ATP8A1: variants seen among roughly 807,000 people sequenced by gnomAD.
ATP8A1 encodes phospholipid-transporting ATPase IA.
ATP8A1 carries 90 observed loss-of-function variants against 177.7 expected under a neutral mutation model. The observed-to-expected ratio is 0.51, with a 90% confidence interval of 0.43 to 0.60. The LOEUF is 0.60. Ranked by LOEUF, ATP8A1 falls within the 20% of genes least tolerant of loss-of-function variation. The pLI is 0.00. For synonymous variants in ATP8A1, 493 were observed against 485.9 expected, an observed-to-expected ratio of 1.01 and a Z score of -0.19; for missense variants, 1,072 against 1,392.8, an observed-to-expected ratio of 0.77 and a Z score of 3.67.
intron 5 of ATP8A1, among the ~76,000 whole-genome samples, chr4:42,611,751 A>G (rs1349051021): frequency 6.6e-6 from 1 of 152,256 alleles, no homozygotes; most frequent in Non-Finnish European, 1.5e-5. Context: ...CTCAATCACC[A>G]CAATAAATTC....
At chr4:42,459,589 T>A in intron 27 of ATP8A1, 1 of 258,214 alleles carries the variant, frequency 3.9e-6, no homozygotes, top group South Asian at 3.8e-5. Context: ...GGATTGAGAA[T>A]AGAAAAATAA....
In ATP8A1 at chr4:42,423,598, T is replaced by C. The variant is rs201225804; in HGVS notation, c.3212+19A>G. 24 of 1,554,264 alleles carry C rather than the reference T, an allele frequency of 1.5e-5. No individual in the cohort carries two copies. In the Admixed American group the frequency reaches 3.4e-4, roughly 22 times the overall value. On this transcript the variant is annotated intron_variant, in intron 34 of 36. Coordinates refer to ENST00000381668, the MANE Select transcript of ATP8A1 (RefSeq NM_006095.2). The stretch of plus-strand genomic sequence containing the variant: ...ATATGCATCTATATTTCTCCGTATA[T>C]AACTGAGTATATACTTACACCTTGT...
intron 6 of ATP8A1, among the ~76,000 whole-genome samples, chr4:42,593,759 T>C (rs28514533): frequency 0.23 from 34,351 of 151,928 alleles, 4,349 homozygotes; most frequent in Non-Finnish European, 0.29. Flanking sequence ...AAAATATGAG[T>C]AAAATGAAAA....
chr4:42,601,033 CTTTTTTTTTTTT>C lies in ATP8A1; in HGVS notation c.410-527_410-516del, dbSNP rs36117571. Among the ~76,000 whole-genome samples, 3 of 102,430 alleles carry C rather than the reference CTTTTTTTTTTTT, an allele frequency of 2.9e-5. No homozygotes were observed. The South Asian group carries it at 9.7e-4, about 33-fold the overall frequency. The allele number at this position is 102,430 out of a possible 152,430, so 67.2% of individuals were successfully genotyped here. On this transcript the variant is annotated intron_variant, in intron 5 of 36. Coordinates refer to ENST00000381668, the MANE Select transcript of ATP8A1 (RefSeq NM_006095.2). ...AAAAAGCAAAAACAACCCAAATTTT[CTTTTTTTTTTTT>C]TTTTTTTTGAGATGGAGTCTCACTC...
intron 22 of ATP8A1, among the ~76,000 whole-genome samples, chr4:42,518,407 G>A (rs1725782455): frequency 1.3e-5 from 2 of 152,158 alleles, no homozygotes; most frequent in South Asian, 4.1e-4. Context: ...ACATACAAAT[G>A]TAATACATGG....
chr4:42,611,015 T>C (rs1736313153), intron 5 of ATP8A1, among the ~76,000 whole-genome samples: 1 of 152,328 alleles, frequency 6.6e-6, no homozygotes. Context: ...CTGAAATGAA[T>C]TGAACCAGAT....
At chr4:42,645,125 T>A (rs533802922) in intron 1 of ATP8A1, among the ~76,000 whole-genome samples, 39 of 152,242 alleles carry the variant, frequency 2.6e-4, no homozygotes, top group African/African-American at 9.2e-4. Context: ...ATAAACTAAA[T>A]GTGTTGTACT....
In ATP8A1 at chr4:42,411,426, T is replaced by A. The variant is rs1712591673; in HGVS notation, c.*1490A>T. The A allele has an allele frequency of 6.6e-6, 1 of 152,218 alleles. No individual in the cohort carries two copies. Among genetic ancestry groups the A allele is most frequent in the Non-Finnish European group, 1.5e-5 (1 of 68,028 alleles). 9.4% of individuals were successfully genotyped at this position (152,218 alleles called of 1,614,324 possible). On this transcript the variant is annotated 3_prime_UTR_variant, in exon 37 of 37. Transcript: ENST00000381668. Reference sequence around the variant, plus strand: ...TCTACCTATTTTGCTGGTAAGTCCATGTAAAGGCAAGCAGGCTTTTGAGTA... The same window carrying A: ...TCTACCTATTTTGCTGGTAAGTCCAAGTAAAGGCAAGCAGGCTTTTGAGTA...
At chr4:42,563,540 C>T (rs1731053700) in intron 15 of ATP8A1, among the ~76,000 whole-genome samples, 1 of 152,170 alleles carries the variant, frequency 6.6e-6, no homozygotes, top group Non-Finnish European at 1.5e-5. Context: ...ATATTAATCC[C>T]CAAGATAATG....
intron 1 of ATP8A1, among the ~76,000 whole-genome samples, chr4:42,649,514 G>A (rs1471280919): frequency 6.6e-6 from 1 of 152,134 alleles, no homozygotes; most frequent in Non-Finnish European, 1.5e-5. Flanking sequence ...GGCATAGTTT[G>A]TGATGAATTT....
intron 34 of ATP8A1, 71 bp from the exon 35 acceptor site, chr4:42,422,970 G>T: frequency 2.5e-6 from 3 of 1,214,516 alleles, no homozygotes; most frequent in Admixed American, 1.9e-5. Flanking sequence ...TAGATGTCTG[G>T]CTTATTATCA....
At chr4:42,437,599 CT>C (rs923707558) in intron 33 of ATP8A1, among the ~76,000 whole-genome samples, 23 of 152,296 alleles carry the variant, frequency 1.5e-4, no homozygotes, top group South Asian at 4.1e-4. Context: ...CCCACTGCCC[CT>C]AACCCCCGAT....
intron 22 of ATP8A1, among the ~76,000 whole-genome samples, chr4:42,512,784 T>A (rs868068590): frequency 6.6e-6 from 1 of 152,184 alleles, no homozygotes; most frequent in East Asian, 1.9e-4. Flanking sequence ...GAATTCCTCA[T>A]TGAATAGGTC....
intron 1 of ATP8A1, 131 bp from the exon 2 acceptor site, chr4:42,627,240 A>G (rs1407835573): frequency 1.6e-6 from 1 of 624,896 alleles, no homozygotes; most frequent in Non-Finnish European, 2.8e-6. Context: ...TTTCTTTTAT[A>G]ATAAAAAGTA....
At chr4:42,583,418 A>G (rs1405813707) in intron 9 of ATP8A1, among the ~76,000 whole-genome samples, 2 of 152,154 alleles carry the variant, frequency 1.3e-5, no homozygotes, top group Non-Finnish European at 2.9e-5. Flanking sequence ...GTTTCCAATA[A>G]CTTCTTGGGA....
intron 35 of ATP8A1, among the ~76,000 whole-genome samples, chr4:42,419,785 C>T (rs1395288630): frequency 6.6e-6 from 1 of 152,116 alleles, no homozygotes; most frequent in East Asian, 1.9e-4. Context: ...GGGTGGATCA[C>T]GAGGTCAGGA....
chr4:42,548,983 T>C (rs1172893905), intron 19 of ATP8A1, 30 bp downstream of exon 19: 2 of 1,542,420 alleles, frequency 1.3e-6, no homozygotes, highest in Non-Finnish European at 1.8e-6. Context: ...ATTTATCTTA[T>C]CCATACAAAT....
At chr4:42,626,454 G>C (rs1428191258) in intron 2 of ATP8A1, 2 of 152,534 alleles carry the variant, frequency 1.3e-5, no homozygotes, top group Admixed American at 6.5e-5. Flanking sequence ...GTGTTTATGT[G>C]GTCCCAGAAG....
chr4:42,657,009 G>GCCGCCGCCCAC lies in ATP8A1; in HGVS notation c.-137_-136insGTGGGCGGCGG. 1.0e-6 allele frequency: 1 copy of GCCGCCGCCCAC among 960,250 alleles called. No homozygotes were observed. The highest frequency in any genetic ancestry group is 1.4e-6 in the Non-Finnish European group (1 of 735,704). 59.5% of individuals were successfully genotyped at this position (960,250 alleles called of 1,614,324 possible). A position where few individuals can be genotyped will look rare whatever the true frequency, so the allele number is the denominator to read the frequency against. ...CGCGCCGCCGCCCACCTAGGGCAGA[G>GCCGCCGCCCAC]CTGCCGCCGGGCGCGGCCCCCGCAC... is the stretch of plus-strand genomic sequence containing the variant. On this transcript the variant is annotated 5_prime_UTR_variant, in exon 1 of 37. Transcript: ENST00000381668.
Sources: gnomAD v4.1 joint callset for allele counts (sites outside exome capture counted in the v4.1 genomes callset) on GRCh38, gnomAD v4.1.1 for gene constraint, MANE v1.5 for transcripts, NCBI Gene and HGNC (gene_info 2026-07-23, HGNC 2026-07-21) for gene names.